The following HHLA2 variants were observed in gnomAD, a reference collection of about 807,000 sequenced individuals.
HHLA2 encodes HERV-H LTR-associating protein 2.
Under a neutral mutation model 45.9 loss-of-function variants are expected in HHLA2, and 48 were observed. The observed-to-expected ratio is 1.05, with a 90% CI of 0.83 to 1.33. The LOEUF is 1.33. HHLA2 is among the 40% of genes most tolerant of loss of function. The probability of loss-of-function intolerance (pLI) is 0.00; values close to 1 mark genes in which losing one functional copy is unlikely to be tolerated. For synonymous variants in HHLA2, 161 were observed against 173.9 expected, an observed-to-expected ratio of 0.93 and a Z score of 0.59; for missense variants, 462 against 494.3, an observed-to-expected ratio of 0.93 and a Z score of 0.62.
chr3:108,333,505 T>A (rs1377827387), intron 3 of HHLA2, among the ~76,000 whole-genome samples: 1 of 151,468 alleles, frequency 6.6e-6, no homozygotes, highest in East Asian at 2.0e-4. Context: ...TTAGTTTATC[T>A]GAATTCAAAT....
At chr3:108,308,534 G>A (rs1489898382) in intron 1 of HHLA2, among the ~76,000 whole-genome samples, 2 of 152,196 alleles carry the variant, frequency 1.3e-5, no homozygotes, top group East Asian at 3.9e-4. Context: ...ATACCCAGCA[G>A]TGGGATTGCT....
At chr3:108,359,916 C>A (rs1426598008) in intron 7 of HHLA2, among the ~76,000 whole-genome samples, 1 of 152,106 alleles carries the variant, frequency 6.6e-6, no homozygotes, top group East Asian at 1.9e-4. Flanking sequence ...CATGTTTATG[C>A]CTTGGTGCCT....
At chr3:108,333,744 T>C (rs2081426948) in intron 3 of HHLA2, among the ~76,000 whole-genome samples, 1 of 152,232 alleles carries the variant, frequency 6.6e-6, no homozygotes, top group South Asian at 2.1e-4. Flanking sequence ...AGTTAGTCTG[T>C]ATTCAATGAG....
At chr3:108,373,384 A>G (rs375507800) in intron 8 of HHLA2, among the ~76,000 whole-genome samples, 19 of 152,162 alleles carry the variant, frequency 1.2e-4, no homozygotes, top group East Asian at 9.6e-4. Flanking sequence ...TACTGAACGG[A>G]CAAAAACTGG....
At chr3:108,376,514 G>C in exon 10 of HHLA2, 1 of 1,609,726 alleles carries the variant, frequency 6.2e-7, no homozygotes, top group Non-Finnish European at 8.5e-7. Flanking sequence ...GTCCCTCCTG[G>C]TGAGCGCTGT....
chr3:108,320,446 G>A (rs1004522614), intron 2 of HHLA2, among the ~76,000 whole-genome samples: 8 of 152,152 alleles, frequency 5.3e-5, no homozygotes, highest in Non-Finnish European at 1.2e-4. Context: ...TAATGGCAAA[G>A]ACCACGATTA....
intron 8 of HHLA2, among the ~76,000 whole-genome samples, chr3:108,374,502 T>C (rs1320016550): frequency 6.5e-4 from 97 of 149,466 alleles, no homozygotes; most frequent in Admixed American, 1.3e-3. Flanking sequence ...ACTAAAGAGC[T>C]TCTGCACAGC....
intron 3 of HHLA2, among the ~76,000 whole-genome samples, chr3:108,342,620 A>G (rs2081593298): frequency 6.6e-6 from 1 of 152,184 alleles, no homozygotes; most frequent in African/African-American, 2.4e-5. Flanking sequence ...CTAAAACACA[A>G]TCTGACTTCA....
intron 6 of HHLA2, among the ~76,000 whole-genome samples, chr3:108,356,972 A>G (rs2081904403): frequency 6.6e-6 from 1 of 152,202 alleles, no homozygotes; most frequent in African/African-American, 2.4e-5. Context: ...ACAGAAAAGT[A>G]AAATTGCCTG....
chr3:108,356,035 T>TTTC (rs1480602884), intron 6 of HHLA2, among the ~76,000 whole-genome samples: 1 of 145,862 alleles, frequency 6.9e-6, no homozygotes, highest in Non-Finnish European at 1.5e-5. Flanking sequence ...TTTCCTTTTT[T>TTTC]TTTTTTTTTT....
At chr3:108,316,084 T>TAAAAAAAAAAA (rs566823530) in intron 2 of HHLA2, among the ~76,000 whole-genome samples, 1 of 89,474 alleles carries the variant, frequency 1.1e-5, no homozygotes. Flanking sequence ...TGACAAACAG[T>TAAAAAAAAAAA]AAAAAAAAAA....
rs140502150 is a variant in HHLA2 at position 108,317,025 on chromosome 3, G to A, written c.-105+6284G>A. ...AAGCACAAAAATCATGGCTGTTGTG[G>A]ACAGTTATCCAGATTGAACAGTGTA... On this transcript the variant is annotated intron_variant, in intron 2 of 10. Transcript: ENST00000619531. Among the ~76,000 whole-genome samples the A allele has an allele frequency of 1.7e-4, 26 of 152,278 alleles. No homozygotes were observed. In the East Asian group the frequency reaches 4.4e-3, roughly 26 times the overall value.
chr3:108,319,784 G>A (rs561501004), intron 2 of HHLA2, among the ~76,000 whole-genome samples: 6 of 152,258 alleles, frequency 3.9e-5, no homozygotes, highest in Non-Finnish European at 8.8e-5. Flanking sequence ...TAGCAAACCC[G>A]ATACTGATGG....
At chr3:108,340,694 A>G (rs1389316276) in intron 3 of HHLA2, among the ~76,000 whole-genome samples, 1 of 152,172 alleles carries the variant, frequency 6.6e-6, no homozygotes, top group Non-Finnish European at 1.5e-5. Flanking sequence ...GCATTGAAAT[A>G]CAAATAGTTA....
intron 8 of HHLA2, among the ~76,000 whole-genome samples, chr3:108,366,074 C>T (rs1268781468): frequency 4.6e-5 from 7 of 152,178 alleles, no homozygotes; most frequent in African/African-American, 1.7e-4. Flanking sequence ...AAGGGGAATG[C>T]TTCCAGCTTT....
chr3:108,298,241 C>T (rs1184323414), intron 1 of HHLA2, among the ~76,000 whole-genome samples: 1 of 152,070 alleles, frequency 6.6e-6, no homozygotes, highest in East Asian at 1.9e-4. Context: ...TTAGGTATTC[C>T]CTATCTAGGA....
chr3:108,312,085 C>T (rs1428652886), intron 2 of HHLA2, among the ~76,000 whole-genome samples: 1 of 152,186 alleles, frequency 6.6e-6, no homozygotes, highest in African/African-American at 2.4e-5. Context: ...TCCCCCCATT[C>T]ACCATTCTTA....
chr3:108,312,539 T>C (rs984873030), intron 2 of HHLA2, among the ~76,000 whole-genome samples: 4 of 152,138 alleles, frequency 2.6e-5, no homozygotes, highest in African/African-American at 9.7e-5. Context: ...TGCCCAGAGA[T>C]GCCTGGGAAG....
At chr3:108,364,125 T>C (rs993609085) in intron 8 of HHLA2, among the ~76,000 whole-genome samples, 3 of 152,096 alleles carry the variant, frequency 2.0e-5, no homozygotes, top group Non-Finnish European at 2.9e-5. Flanking sequence ...GTATTTGACC[T>C]GATGCCCTCC....
Sources: gnomAD v4.1 joint callset for allele counts (sites outside exome capture counted in the v4.1 genomes callset) on GRCh38, gnomAD v4.1.1 for gene constraint, MANE v1.5 for transcripts, NCBI Gene and HGNC (gene_info 2026-07-23, HGNC 2026-07-21) for gene names.